NR3C1: variants seen among roughly 807,000 people sequenced by gnomAD.
NR3C1 encodes glucocorticoid receptor.
In NR3C1, 14 loss-of-function variants were observed where a neutral mutation model predicts 74.0. The observed-to-expected ratio is 0.19, with a 90% CI of 0.12 to 0.30. The LOEUF is 0.30. Ranked by LOEUF, NR3C1 falls within the 10% of genes least tolerant of loss-of-function variation. The pLI, the probability that NR3C1 is intolerant of heterozygous loss-of-function variation, is 1.00. For synonymous variants in NR3C1, 308 were observed against 332.5 expected (o/e 0.93, Z 0.80); for missense variants, 695 against 909.8 (o/e 0.76, Z 3.04).
At chr5:143,345,398 T>G (rs1202362488) in intron 2 of NR3C1, among the ~76,000 whole-genome samples, 2 of 152,220 alleles carry the variant, frequency 1.3e-5, no homozygotes, top group East Asian at 3.9e-4. Context: ...TTAGTAGAGA[T>G]GGGGATTCCC....
At chr5:143,391,732 AT>A (rs1382490590) in intron 2 of NR3C1, among the ~76,000 whole-genome samples, 1 of 152,164 alleles carries the variant, frequency 6.6e-6, no homozygotes, top group East Asian at 1.9e-4. Context: ...CTACGTTGGC[AT>A]TTGAAGGCTT....
At chr5:143,417,932 A>G (rs1052395880) in intron 1 of NR3C1, among the ~76,000 whole-genome samples, 2 of 152,220 alleles carry the variant, frequency 1.3e-5, no homozygotes, top group Non-Finnish European at 2.9e-5. Context: ...CAAGAGAACC[A>G]TAGGTTTTCC....
Position 143,399,662 on chromosome 5 carries a change from T to A in NR3C1, c.1178A>T (p.Tyr393Phe). 6.2e-7 allele frequency: 1 copy of A among 1,607,392 alleles called. No individual in the cohort carries two copies. The highest frequency in any genetic ancestry group is 2.2e-5 in the East Asian group (1 of 44,848). Residue 393 changes from tyrosine (Y) to phenylalanine (F), a missense_variant, in exon 2 of 9, where the codon TAT (tyrosine) becomes TTT (phenylalanine). Around this residue, in one of 4 missense-constraint regions of NR3C1, gnomAD observed 497 missense variants for 489.5 expected, o/e 1.02. Transcript: ENST00000394464. ...AGAAAAACACTGATCTTACCTTGAA[T>A]AGCCATTAGAAAAAACTGTTCGACC... ...FPGRTVFSNG[Y>F]SSPSMRPDVS...
At chr5:143,299,466 T>C (rs748755208) in intron 5 of NR3C1, among the ~76,000 whole-genome samples, 15 of 152,072 alleles carry the variant, frequency 9.9e-5, no homozygotes, top group African/African-American at 3.4e-4. Flanking sequence ...ATAGTGGTGA[T>C]GGGGATGAAG....
chr5:143,305,916 A>G (rs186899242), intron 4 of NR3C1, among the ~76,000 whole-genome samples: 28 of 152,338 alleles, frequency 1.8e-4, no homozygotes, highest in Admixed American at 1.8e-3. Context: ...AAACTACTAG[A>G]TTGGGTTTTT....
chr5:143,427,594 T>C (rs1362162715), intron 1 of NR3C1, among the ~76,000 whole-genome samples: 1 of 152,186 alleles, frequency 6.6e-6, no homozygotes, highest in Non-Finnish European at 1.5e-5. Context: ...ATGGAGGACC[T>C]GCTAGCAATA....
chr5:143,299,008 T>TTG (rs1817902684), intron 5 of NR3C1, among the ~76,000 whole-genome samples, 196 bp from the exon 6 acceptor site: 1 of 145,666 alleles, frequency 6.9e-6, no homozygotes, highest in Non-Finnish European at 1.5e-5. Flanking sequence ...CTCTTGTGTT[T>TTG]TTTTTTTTTT....
chr5:143,282,490 G>C, intron 8 of NR3C1, 78 bp downstream of exon 8: 1 of 1,549,922 alleles, frequency 6.5e-7, no homozygotes, highest in Admixed American at 1.7e-5. Context: ...GGCGCTGCTG[G>C]TATATAATTA....
At chr5:143,386,971 A>T (rs537515143) in intron 2 of NR3C1, among the ~76,000 whole-genome samples, 1 of 152,354 alleles carries the variant, frequency 6.6e-6, no homozygotes, top group Non-Finnish European at 1.5e-5. Context: ...ACATTTTTTG[A>T]TCAGGGGAAT....
chr5:143,310,716 G>A (rs1820732222), intron 3 of NR3C1, among the ~76,000 whole-genome samples: 1 of 152,104 alleles, frequency 6.6e-6, no homozygotes, highest in Non-Finnish European at 1.5e-5. Flanking sequence ...GTGTAGTAGT[G>A]TAGTGGCATG....
At position 143,279,596 on chromosome 5, in the gene NR3C1, A is replaced by ATAAT. The variant is rs1812804420; in HGVS notation, c.*2289_*2292dup. ...AAGCAAATGATTGTTTTTTTATTAAATAATTTCTCCAAAATACTGAAAATA... is the reference window on the plus strand; with the variant it reads ...AAGCAAATGATTGTTTTTTTATTAAATAATTAATTTCTCCAAAATACTGAAAATA... On this transcript the variant is annotated 3_prime_UTR_variant, in exon 9 of 9. Transcript: ENST00000394464. 2.0e-5 allele frequency: 10 copies of ATAAT among 492,530 alleles called. 1 individual carries two copies. In the East Asian group the frequency reaches 3.6e-4, roughly 18 times the overall value. 30.5% of individuals were successfully genotyped at this position (492,530 alleles called of 1,614,324 possible). A position where few individuals can be genotyped will look rare whatever the true frequency, so the allele number is the denominator to read the frequency against.
At chr5:143,283,063 A>G (rs566669528) in intron 7 of NR3C1, among the ~76,000 whole-genome samples, 1 of 152,272 alleles carries the variant, frequency 6.6e-6, no homozygotes, top group South Asian at 2.1e-4. Flanking sequence ...TTGTAGAGAC[A>G]GGATCTCCCT....
chr5:143,293,987 TGTACCGCTACAG>T, intron 7 of NR3C1: 2 of 985,318 alleles, frequency 2.0e-6, no homozygotes, highest in Non-Finnish European at 2.4e-6. Context: ...CTTTAACAAG[TGTACCGCTACAG>T]GTAACATTAA....
intron 2 of NR3C1, among the ~76,000 whole-genome samples, chr5:143,393,536 G>T (rs1244903451): frequency 1.3e-5 from 2 of 151,770 alleles, no homozygotes; most frequent in Admixed American, 1.3e-4. Context: ...TCTTTGGAAG[G>T]GATGGTTAAA....
chr5:143,383,821 CA>C (rs767108601), intron 2 of NR3C1, among the ~76,000 whole-genome samples: 1 of 152,112 alleles, frequency 6.6e-6, no homozygotes, highest in Non-Finnish European at 1.5e-5. Flanking sequence ...TAAACACTGC[CA>C]GGGGGAACTG....
At chr5:143,357,160 C>T (rs555355877) in intron 2 of NR3C1, among the ~76,000 whole-genome samples, 6 of 152,042 alleles carry the variant, frequency 3.9e-5, no homozygotes, top group Non-Finnish European at 8.8e-5. Context: ...ATATTTATAA[C>T]GTATTGCTAG....
intron 2 of NR3C1, chr5:143,332,589 T>C (rs2151706260): frequency 9.5e-7 from 1 of 1,047,472 alleles, no homozygotes; most frequent in South Asian, 1.4e-5. Flanking sequence ...ATTGAGTAGC[T>C]GCACCACTAG....
chr5:143,338,409 G>A (rs1827569461), intron 2 of NR3C1, among the ~76,000 whole-genome samples: 1 of 151,172 alleles, frequency 6.6e-6, no homozygotes, highest in Non-Finnish European at 1.5e-5. Flanking sequence ...ATCAGAAAAA[G>A]GCACTGTTAT....
chr5:143,295,179 T>C, intron 7 of NR3C1: 9 of 985,304 alleles, frequency 9.1e-6, no homozygotes, highest in Non-Finnish European at 1.1e-5. Flanking sequence ...TGATCAAAGA[T>C]CAAAGGAAGG....
Sources: gnomAD v4.1 joint callset for allele counts (sites outside exome capture counted in the v4.1 genomes callset) on GRCh38, gnomAD v4.1.1 for gene constraint, gnomAD v4.1.1 regional missense constraint, MANE v1.5 for transcripts, NCBI Gene and HGNC (gene_info 2026-07-23, HGNC 2026-07-21) for gene names.